Variants in WDR62 observed in about 807,000 individuals in gnomAD.
WDR62 encodes the protein WD repeat-containing protein 62.
In WDR62, 112 loss-of-function variants were observed where a neutral mutation model predicts 160.6. That is an observed-to-expected ratio of 0.70 (90% CI 0.60 to 0.82). The LOEUF (loss-of-function observed/expected upper bound fraction) is 0.82, where lower values mean the gene tolerates loss of function less well. Among genes scored for constraint, WDR62 ranks in the 40% least tolerant of loss-of-function variants. The pLI, the probability that WDR62 is intolerant of heterozygous loss-of-function variation, is 0.00. For synonymous variants in WDR62, 792 were observed against 815.1 expected, an observed-to-expected ratio of 0.97 and a Z score of 0.48; for missense variants, 1,819 against 1,983.8, an observed-to-expected ratio of 0.92 and a Z score of 1.58.
chr19:36,088,977 G>T (rs774510999), intron 13 of WDR62, 61 bp from the exon 14 acceptor site: 72 of 1,591,964 alleles, frequency 4.5e-5, no homozygotes, highest in Non-Finnish European at 5.9e-5. Flanking sequence ...GAGTTCCCCA[G>T]CTAGGGTCCC....
intron 3 of WDR62, among the ~76,000 whole-genome samples, chr19:36,065,702 C>T (rs1429824820): frequency 6.6e-6 from 1 of 152,190 alleles, no homozygotes; most frequent in Non-Finnish European, 1.5e-5. Flanking sequence ...AAGCAGGGTC[C>T]GCATACAGTG....
chr19:36,097,175 T>G (rs1262488809), intron 21 of WDR62, 96 bp downstream of exon 21: 4 of 1,220,818 alleles, frequency 3.3e-6, no homozygotes, highest in African/African-American at 1.5e-5. Flanking sequence ...CATGTCCCTC[T>G]TTTCCCTGGA....
chr19:36,073,575 C>G, intron 9 of WDR62, 44 bp downstream of exon 9: 2 of 1,467,806 alleles, frequency 1.4e-6, no homozygotes, highest in Non-Finnish European at 1.9e-6. Context: ...GGCCTCTGCA[C>G]AGTTCCCCAC....
intron 13 of WDR62, among the ~76,000 whole-genome samples, chr19:36,088,747 C>T (rs1474111630): frequency 6.6e-6 from 1 of 152,252 alleles, no homozygotes; most frequent in Non-Finnish European, 1.5e-5. Context: ...CTCAAGTCAC[C>T]TATCTCAATC....
At chr19:36,071,412 C>G (rs1330953143) in intron 7 of WDR62, 144 bp from the exon 8 acceptor site, 1 of 948,844 alleles carries the variant, frequency 1.1e-6, no homozygotes, top group Admixed American at 1.8e-5. Flanking sequence ...TTTCACAAAT[C>G]TTAAAATATG....
chr19:36,069,935 C>T (rs905271998), intron 7 of WDR62, among the ~76,000 whole-genome samples: 2 of 151,628 alleles, frequency 1.3e-5, no homozygotes, highest in Admixed American at 6.6e-5. Context: ...TGCAGTGAGC[C>T]GAGAGGGCAG....
At chr19:36,091,126 G>A in intron 16 of WDR62, 74 bp from the exon 17 acceptor site, 1 of 1,318,364 alleles carries the variant, frequency 7.6e-7, no homozygotes. Flanking sequence ...CAGCACGGGG[G>A]AGGGAGGGGC....
At chr19:36,078,541 T>G (rs1401388065) in intron 9 of WDR62, among the ~76,000 whole-genome samples, 2 of 151,964 alleles carry the variant, frequency 1.3e-5, no homozygotes, top group Non-Finnish European at 2.9e-5. Flanking sequence ...TTTACCTTCT[T>G]TTGAAACAGT....
chr19:36,089,438 G>T (rs959439317), intron 15 of WDR62, 132 bp downstream of exon 15: 45 of 1,430,656 alleles, frequency 3.1e-5, no homozygotes, highest in African/African-American at 2.1e-4. Flanking sequence ...TTCCTTCTTG[G>T]TTTTTTTTTG....
chr19:36,086,828 C>T lies in WDR62; in HGVS notation c.1768+16C>T. On this transcript the variant is annotated intron_variant, in intron 13 of 31. Transcript: ENST00000401500. ...AAGTTCGCTGGTGAGCCCCTTTCTT[C>T]CCGCTCCCTGCGCCTTGCTAGCTAC... The T allele has an allele frequency of 2.5e-6, 4 of 1,607,888 alleles. No individual in the cohort carries two copies. The highest frequency in any genetic ancestry group is 2.5e-6 in the Non-Finnish European group (3 of 1,176,654).
rs769445114 is a variant in WDR62 at position 36,105,035 on chromosome 19, A to G, written c.*7A>G. 1.9e-5 allele frequency: 31 copies of G among 1,591,124 alleles called. No individual in the cohort carries two copies. Among genetic ancestry groups the G allele is most frequent in the Non-Finnish European group, 2.6e-5 (30 of 1,176,200 alleles). On this transcript the variant is annotated 3_prime_UTR_variant, in exon 32 of 32. Transcript: ENST00000401500. The stretch of plus-strand genomic sequence containing the variant: ...GAAGGCACGGGGGCACTGAGGGCGC[A>G]GCCCCTCCACCGCAGCCCTGCTGCT...
In WDR62 at chr19:36,067,322, C is replaced by T; in HGVS notation, c.578C>T (p.Ala193Val). ...TTCTTCCAGAAAGACATCGTAGTGG[C>T]CTCCAACAAGGTATCTTGTAGAGTC... Reference protein sequence around the residue: ...VWDWKKDIVVASNKVSCRVIA... With the variant: ...VWDWKKDIVVVSNKVSCRVIA... The change falls in exon 6 of 32, where the codon GCC becomes GTC. Residue 193 changes from alanine to valine, a missense_variant. Ala to Val is a moderately conservative substitution (Grantham distance 64, BLOSUM62 0). This residue lies in a region of WDR62 where 934 missense variants were observed against 1,157.2 expected (regional missense o/e 0.81). Coordinates refer to ENST00000401500, the MANE Select transcript of WDR62 (RefSeq NM_001083961.2). 2 of 1,614,180 alleles carry T rather than the reference C, an allele frequency of 1.2e-6. No individual in the cohort carries two copies. Among genetic ancestry groups the T allele is most frequent in the Non-Finnish European group, 1.7e-6 (2 of 1,180,034 alleles).
intron 7 of WDR62, among the ~76,000 whole-genome samples, chr19:36,069,234 C>T (rs1051033616): frequency 4.6e-5 from 7 of 150,868 alleles, no homozygotes; most frequent in Admixed American, 1.3e-4. Context: ...ACTTCCCAGA[C>T]GGGGCAGCTG....
downstream of WDR62, among the ~76,000 whole-genome samples, chr19:36,109,106 T>G (rs1973760417): frequency 6.6e-6 from 1 of 152,006 alleles, no homozygotes; most frequent in Non-Finnish European, 1.5e-5. Context: ...CACCCTTGCT[T>G]CCCCAAATGA....
Position 36,103,469 on chromosome 19 carries a change from C to A in WDR62, c.3641C>A (p.Thr1214Asn). The change falls in exon 30 of 32, where the codon ACC becomes AAC. Residue 1214 changes from threonine (T) to asparagine (N), a missense_variant. Thr to Asn is a moderately conservative substitution (Grantham distance 65, BLOSUM62 0). Coordinates refer to ENST00000401500, the MANE Select transcript of WDR62 (RefSeq NM_001083961.2). Reference sequence around the variant, plus strand: ...GCTCAGGGTGTCCATGCCCCCTCCACCTGTTCCTACATGGAGGCCACTGCC... The same window carrying A: ...GCTCAGGGTGTCCATGCCCCCTCCAACTGTTCCTACATGGAGGCCACTGCC... ...GLAQGVHAPS[T>N]CSYMEATASS... The A allele has an allele frequency of 6.2e-7, 1 of 1,614,220 alleles. No individual in the cohort carries two copies. The highest frequency in any genetic ancestry group is 8.5e-7 in the Non-Finnish European group (1 of 1,180,034).
chr19:36,091,322 C>T lies in WDR62; in HGVS notation c.2146+11C>T, dbSNP rs1344548519. The T allele has an allele frequency of 6.2e-7, 1 of 1,613,570 alleles. No homozygotes were observed. Among genetic ancestry groups the T allele is most frequent in the Admixed American group, 1.7e-5 (1 of 60,018 alleles). On this transcript the variant is annotated intron_variant, in intron 17 of 31. Coordinates refer to ENST00000401500, the MANE Select transcript of WDR62 (RefSeq NM_001083961.2). ...TGTTTGGCCATTCAGGTGGGTGTGC[C>T]TCTCTGCTTGGGATGCCTCCCCACC...
At chr19:36,086,246 C>T (rs1312320361) in intron 12 of WDR62, among the ~76,000 whole-genome samples, 1 of 151,930 alleles carries the variant, frequency 6.6e-6, no homozygotes, top group Non-Finnish European at 1.5e-5. Flanking sequence ...AGGCTGGTGG[C>T]AGATGGGAGT....
rs560895145 is a variant in WDR62, at chr19:36,081,956, G to A, written c.1371+386G>A. ...ACACAGTGAGGCCTCACGGGGGTAT[G>A]GGCAGAATGCTGGCGAGAGCCATGA... On this transcript the variant is annotated intron_variant, in intron 10 of 31. Transcript: ENST00000401500. The A allele has an allele frequency of 7.0e-6, 3 of 426,334 alleles. No homozygotes were observed. In the East Asian group the frequency reaches 2.0e-4, roughly 29 times the overall value. 26.4% of individuals were successfully genotyped at this position (426,334 alleles called of 1,614,324 possible).
chr19:36,062,880 T>C (rs981894815), intron 3 of WDR62, among the ~76,000 whole-genome samples: 8 of 152,266 alleles, frequency 5.3e-5, no homozygotes, highest in African/African-American at 1.7e-4. Flanking sequence ...ACACATTGCA[T>C]TGAGTTGTCC....
Sources: allele counts gnomAD v4.1 joint callset (sites outside exome capture counted in the v4.1 genomes callset), GRCh38; gene constraint gnomAD v4.1.1; regional missense constraint gnomAD v4.1.1; transcripts MANE v1.5; gene names NCBI Gene and HGNC (gene_info 2026-07-23, HGNC 2026-07-21).